Variants in MRTFB observed in about 807,000 individuals in gnomAD.
MRTFB encodes the protein myocardin-related transcription factor B.
MRTFB carries 29 observed loss-of-function variants against 104.2 expected under a neutral mutation model. That is an observed-to-expected ratio of 0.28 (90% CI 0.21 to 0.38). MRTFB has a LOEUF of 0.38. MRTFB is among the 10% of genes least tolerant of loss of function. The pLI is 1.00. For missense variants in MRTFB, 1,270 were observed against 1,341.6 expected (o/e 0.95, Z 0.83); for synonymous variants, 535 against 519.5 (o/e 1.03, Z -0.41).
chr16:14,072,937 T>C (rs564466013), intron 1 of MRTFB, among the ~76,000 whole-genome samples: 2 of 152,348 alleles, frequency 1.3e-5, no homozygotes, highest in South Asian at 2.1e-4. Flanking sequence ...ACAATTACCA[T>C]TGGTAATAAT....
intron 3 of MRTFB, among the ~76,000 whole-genome samples, chr16:14,182,100 A>T (rs1429907064): frequency 6.6e-6 from 1 of 152,248 alleles, no homozygotes; most frequent in Non-Finnish European, 1.5e-5. Flanking sequence ...TAGTAGAGGA[A>T]CAAGGGCAAA....
At chr16:14,160,687 GAAA>G (rs60056032) in intron 3 of MRTFB, among the ~76,000 whole-genome samples, 1 of 145,706 alleles carries the variant, frequency 6.9e-6, no homozygotes. Context: ...CTATTCTGAG[GAAA>G]AAAAAAAGCT....
intron 2 of MRTFB, among the ~76,000 whole-genome samples, chr16:14,101,126 GGT>G (rs1491397814): frequency 7.3e-6 from 1 of 137,230 alleles, no homozygotes; most frequent in Non-Finnish European, 1.5e-5. Flanking sequence ...AATTATGTAG[GGT>G]TTTTTTTTTT....
chr16:14,057,712 G>A, the MRTFB span, among the ~76,000 whole-genome samples: 1 of 151,816 alleles, frequency 6.6e-6, no homozygotes, highest in African/African-American at 2.4e-5. Context: ...ATGAAACCCC[G>A]AGGAATGCTT....
the MRTFB span, among the ~76,000 whole-genome samples, chr16:14,044,346 G>A: frequency 6.6e-6 from 1 of 152,228 alleles, no homozygotes; most frequent in Non-Finnish European, 1.5e-5. Flanking sequence ...GGAAGGCAGG[G>A]AGAGCCTTAC....
At position 14,248,733 on chromosome 16, in the gene MRTFB, G is replaced by A. The variant is rs989640152; in HGVS notation, c.2248-193G>A. ...GGAATAATAAGAGCATGCAGTGACT[G>A]GTCTGATGTTTCCCTCTCTGGTTTA... On this transcript the variant is annotated intron_variant, in intron 12 of 16. Coordinates refer to ENST00000571589, the MANE Select transcript of MRTFB (RefSeq NM_001308142.2). 6 of 552,992 alleles carry A rather than the reference G, an allele frequency of 1.1e-5. No homozygotes were observed. The East Asian group carries it at 1.6e-4, about 15-fold the overall frequency. The allele number at this position is 552,992 out of a possible 1,614,324, so 34.3% of individuals were successfully genotyped here. A position where few individuals can be genotyped will look rare whatever the true frequency, so the allele number is the denominator to read the frequency against.
chr16:14,061,479 A>G, the MRTFB span, among the ~76,000 whole-genome samples: 1 of 149,882 alleles, frequency 6.7e-6, no homozygotes, highest in African/African-American at 2.4e-5. Flanking sequence ...TTTCACAGTG[A>G]GACTTAAGAA....
At chr16:14,083,051 A>G (rs910446890) in intron 2 of MRTFB, among the ~76,000 whole-genome samples, 2 of 152,058 alleles carry the variant, frequency 1.3e-5, no homozygotes, top group African/African-American at 4.8e-5. Context: ...TATAGTTTTC[A>G]GTGTAGAAAT....
chr16:14,150,368 C>T (rs2038551615), intron 3 of MRTFB, among the ~76,000 whole-genome samples: 2 of 152,146 alleles, frequency 1.3e-5, no homozygotes, highest in South Asian at 4.2e-4. Context: ...GGGGTTGGAG[C>T]ACTGACCCCC....
At chr16:14,015,675 G>A in the MRTFB span, among the ~76,000 whole-genome samples, 1 of 152,140 alleles carries the variant, frequency 6.6e-6, no homozygotes, top group Non-Finnish European at 1.5e-5. Context: ...GGAATGGATC[G>A]TTGCCCTGGA....
chr16:14,145,925 C>T (rs181042702), intron 3 of MRTFB, among the ~76,000 whole-genome samples: 36 of 151,982 alleles, frequency 2.4e-4, no homozygotes, highest in African/African-American at 8.5e-4. Flanking sequence ...CAGCCCTTTG[C>T]CTGTGCCTAC....
intron 2 of MRTFB, among the ~76,000 whole-genome samples, chr16:14,102,040 A>G (rs1346349864): frequency 6.6e-6 from 1 of 152,180 alleles, no homozygotes; most frequent in Non-Finnish European, 1.5e-5. Flanking sequence ...ATTGTAGGGA[A>G]GAAACAAAAG....
chr16:14,245,312 A>T (rs570534548), intron 10 of MRTFB, among the ~76,000 whole-genome samples: 5 of 152,318 alleles, frequency 3.3e-5, no homozygotes, highest in African/African-American at 9.6e-5. Context: ...TATAAAGCTT[A>T]GAATCGCCTT....
At chr16:14,238,483 T>A (rs544825617) in intron 9 of MRTFB, among the ~76,000 whole-genome samples, 1 of 152,112 alleles carries the variant, frequency 6.6e-6, no homozygotes, top group East Asian at 1.9e-4. Context: ...ATTGACAAAA[T>A]ACGTGGTGGG....
At chr16:14,144,996 G>GTGTATATATA (rs1567380323) in intron 3 of MRTFB, among the ~76,000 whole-genome samples, 1 of 103,440 alleles carries the variant, frequency 9.7e-6, no homozygotes, top group African/African-American at 6.7e-5. Flanking sequence ...ATATATATAT[G>GTGTATATATA]TATATATATA....
At chr16:14,156,948 C>G (rs564152485) in intron 3 of MRTFB, among the ~76,000 whole-genome samples, 64 of 152,256 alleles carry the variant, frequency 4.2e-4, no homozygotes, top group African/African-American at 1.3e-3. Context: ...TCACACCCTC[C>G]CATCATGCGT....
rs537037366 is a variant in MRTFB, at chr16:14,265,402, A to T, written c.*3958A>T. ...AACTGGAAGGTCAGGTTTTTCAAGGAACATAGCTTACAAATGCATCAGTGT... is the reference window on the plus strand; with the variant it reads ...AACTGGAAGGTCAGGTTTTTCAAGGTACATAGCTTACAAATGCATCAGTGT... On this transcript the variant is annotated 3_prime_UTR_variant, in exon 17 of 17. Transcript: ENST00000571589. 1 of 152,346 alleles carries T rather than the reference A, an allele frequency of 6.6e-6. No individual in the cohort carries two copies. Among genetic ancestry groups the T allele is most frequent in the South Asian group, 2.1e-4 (1 of 4,828 alleles). The allele number at this position is 152,346 out of a possible 1,614,324, so 9.4% of individuals were successfully genotyped here.
At chr16:14,049,980 G>T in the MRTFB span, among the ~76,000 whole-genome samples, 1 of 152,178 alleles carries the variant, frequency 6.6e-6, no homozygotes, top group Admixed American at 6.5e-5. Flanking sequence ...TGATCCATCC[G>T]CCTCGGCCTT....
At chr16:14,212,759 G>C (rs1224923326) in intron 5 of MRTFB, among the ~76,000 whole-genome samples, 1 of 152,176 alleles carries the variant, frequency 6.6e-6, no homozygotes, top group African/African-American at 2.4e-5. Context: ...GACAGCCAAG[G>C]ATGTGGTGAC....
Sources: allele counts gnomAD v4.1 joint callset (sites outside exome capture counted in the v4.1 genomes callset), GRCh38; gene constraint gnomAD v4.1.1; transcripts MANE v1.5; gene names NCBI Gene and HGNC (gene_info 2026-07-23, HGNC 2026-07-21).